Variants in PPP1R12B observed in about 807,000 individuals in gnomAD.
PPP1R12B encodes protein phosphatase 1 regulatory subunit 12B.
A neutral mutation model predicts 126.1 loss-of-function variants in PPP1R12B; 76 were observed. That is an observed-to-expected ratio of 0.60 (90% confidence interval 0.50 to 0.73). PPP1R12B has a LOEUF of 0.73. Among genes scored for constraint, PPP1R12B ranks in the 30% least tolerant of loss-of-function variants. PPP1R12B has a pLI of 0.00. For missense variants in PPP1R12B, 1,052 were observed against 1,205.1 expected (o/e 0.87, Z 1.88); for synonymous variants, 356 against 434.7 (o/e 0.82, Z 2.25).
intron 1 of PPP1R12B, among the ~76,000 whole-genome samples, chr1:202,414,793 T>C (rs1667847883): frequency 6.6e-6 from 1 of 152,192 alleles, no homozygotes; most frequent in African/African-American, 2.4e-5. Context: ...TTTTTATTTT[T>C]GTTTTTGTTT....
intron 23 of PPP1R12B, chr1:202,575,465 G>A: frequency 3.9e-6 from 1 of 253,310 alleles, no homozygotes; most frequent in South Asian, 9.3e-5. Context: ...ACACGTGTAT[G>A]TGCATATACC....
intron 2 of PPP1R12B, among the ~76,000 whole-genome samples, chr1:202,417,835 G>C (rs1668281673): frequency 6.6e-6 from 1 of 152,230 alleles, no homozygotes; most frequent in Non-Finnish European, 1.5e-5. Context: ...TGGCAGCTGT[G>C]TAGAGGCCTG....
Position 202,531,782 on chromosome 1 carries a change from C to T in PPP1R12B, c.2491-27095C>T, listed in dbSNP as rs1279453987. On this transcript the variant is annotated intron_variant, in intron 18 of 23. Coordinates refer to ENST00000608999, the MANE Select transcript of PPP1R12B (RefSeq NM_002481.4). ...AATTGATTTGAGGACGAGGCAGAGA[C>T]ATTTTTGAAAGACTAGGTAATTTCC... Among the ~76,000 whole-genome samples the T allele has an allele frequency of 2.8e-4, 43 of 152,094 alleles. 1 individual carries two copies. Among genetic ancestry groups the T allele is most frequent in the Non-Finnish European group, 4.4e-5 (3 of 68,014 alleles).
Position 202,588,319 on chromosome 1 carries a change from C to G in PPP1R12B, c.*7759C>G, listed in dbSNP as rs1689946846. The G allele has an allele frequency of 6.6e-6, 1 of 152,450 alleles. No individual in the cohort carries two copies. The highest frequency in any genetic ancestry group is 2.1e-4 in the South Asian group (1 of 4,822). The allele number at this position is 152,450 out of a possible 1,614,324, so 9.4% of individuals were successfully genotyped here. On this transcript the variant is annotated 3_prime_UTR_variant, in exon 24 of 24. Coordinates refer to ENST00000608999, the MANE Select transcript of PPP1R12B (RefSeq NM_002481.4). ...TAACTTCAGTCCACTGTAAATACAC[C>G]TGGGATGGGGTGGGGTTGGGGTTGT...
At chr1:202,449,847 C>T (rs369257780) in intron 13 of PPP1R12B, among the ~76,000 whole-genome samples, 64 of 151,334 alleles carry the variant, frequency 4.2e-4, no homozygotes, top group South Asian at 1.5e-3. Flanking sequence ...CCACCATGCC[C>T]GGCTAATCTT....
rs1314973796 is a variant in PPP1R12B at position 202,495,211 on chromosome 1, A to G, written c.2146-82A>G. 25 of 1,334,420 alleles carry G rather than the reference A, an allele frequency of 1.9e-5. No homozygotes were observed. In the Middle Eastern group the frequency reaches 9.5e-4, roughly 51 times the overall value. 82.7% of individuals were successfully genotyped at this position (1,334,420 alleles called of 1,614,324 possible). A position where few individuals can be genotyped will look rare whatever the true frequency, so the allele number is the denominator to read the frequency against. ...TACTCATAAGCCCCTTAATATAGAA[A>G]AAAACATTTTGTATAAACCTGCTGT... On this transcript the variant is annotated intron_variant, in intron 15 of 23. Transcript: ENST00000608999.
intron 1 of PPP1R12B, among the ~76,000 whole-genome samples, chr1:202,379,771 A>G (rs1661925452): frequency 6.6e-6 from 1 of 152,178 alleles, no homozygotes; most frequent in Non-Finnish European, 1.5e-5. Flanking sequence ...ACAATCCATC[A>G]TTGGCTTTCG....
intron 23 of PPP1R12B, among the ~76,000 whole-genome samples, chr1:202,574,094 C>T (rs1273298252): frequency 6.7e-6 from 1 of 149,440 alleles, no homozygotes; most frequent in Non-Finnish European, 1.5e-5. Flanking sequence ...GGTTAGAGGA[C>T]GATCCAGAGA....
intron 1 of PPP1R12B, among the ~76,000 whole-genome samples, chr1:202,399,819 G>A (rs1665560218): frequency 6.6e-6 from 1 of 152,022 alleles, no homozygotes; most frequent in Non-Finnish European, 1.5e-5. Context: ...CCTTGATGAT[G>A]GATTTAAAAG....
chr1:202,378,655 T>A (rs1437003145), intron 1 of PPP1R12B, among the ~76,000 whole-genome samples: 1 of 152,070 alleles, frequency 6.6e-6, no homozygotes, highest in Non-Finnish European at 1.5e-5. Flanking sequence ...AATTTTTGTA[T>A]TTTTAGTAGA....
intron 1 of PPP1R12B, among the ~76,000 whole-genome samples, chr1:202,366,958 G>A (rs1033347408): frequency 4.6e-5 from 7 of 152,188 alleles, no homozygotes; most frequent in Admixed American, 1.3e-4. Context: ...TGGTACTTAA[G>A]TGGTTCCATA....
intron 18 of PPP1R12B, among the ~76,000 whole-genome samples, chr1:202,525,950 C>T (rs1448443310): frequency 1.3e-5 from 2 of 152,224 alleles, no homozygotes; most frequent in Non-Finnish European, 1.5e-5. Flanking sequence ...CCGCCTTGGC[C>T]TCCCAGAGTG....
intron 18 of PPP1R12B, among the ~76,000 whole-genome samples, chr1:202,498,832 T>A (rs1679868681): frequency 6.6e-6 from 1 of 152,206 alleles, no homozygotes; most frequent in African/African-American, 2.4e-5. Context: ...TCAGCATGGA[T>A]ACAGTTGAGA....
intron 18 of PPP1R12B, chr1:202,503,055 G>A (rs114857085): frequency 6.6e-6 from 1 of 152,304 alleles, no homozygotes; most frequent in Non-Finnish European, 1.5e-5. Flanking sequence ...CTATTTTAGA[G>A]AATGTACTCT....
intron 18 of PPP1R12B, among the ~76,000 whole-genome samples, chr1:202,503,794 T>C (rs1249028268): frequency 6.6e-6 from 1 of 152,048 alleles, no homozygotes. Flanking sequence ...TTTTTTTTTT[T>C]TCAAGGGCTA....
At chr1:202,399,243 A>T (rs1665443870) in intron 1 of PPP1R12B, among the ~76,000 whole-genome samples, 1 of 152,128 alleles carries the variant, frequency 6.6e-6, no homozygotes, top group Non-Finnish European at 1.5e-5. Context: ...TTCTTTTGAC[A>T]GGGTCTCGCT....
intron 1 of PPP1R12B, among the ~76,000 whole-genome samples, chr1:202,375,921 A>G (rs1450284349): frequency 1.3e-5 from 2 of 152,138 alleles, no homozygotes; most frequent in African/African-American, 2.4e-5. Flanking sequence ...ATATATTCTT[A>G]TGGTCAATAC....
chr1:202,458,166 C>G lies in PPP1R12B; in HGVS notation c.1850+8995C>G, dbSNP rs901201970. The stretch of plus-strand genomic sequence containing the variant: ...CAAGACTGGTATTCCACTGGAGAAA[C>G]TTTGGAAATTGTCAAGCTAGAGAGG... On this transcript the variant is annotated intron_variant, in intron 13 of 23. Transcript: ENST00000608999. Among the ~76,000 whole-genome samples, 5 of 149,166 alleles carry G rather than the reference C, an allele frequency of 3.4e-5. No homozygotes were observed. In the East Asian group the frequency reaches 7.9e-4, roughly 24 times the overall value.
At chr1:202,472,495 A>G (rs1391534587) in intron 13 of PPP1R12B, among the ~76,000 whole-genome samples, 1 of 152,214 alleles carries the variant, frequency 6.6e-6, no homozygotes, top group South Asian at 2.1e-4. Context: ...TGAATCTGCC[A>G]TTCTTACCAT....
Sources: gnomAD v4.1 joint callset for allele counts (sites outside exome capture counted in the v4.1 genomes callset) on GRCh38, gnomAD v4.1.1 for gene constraint, MANE v1.5 for transcripts, NCBI Gene and HGNC (gene_info 2026-07-23, HGNC 2026-07-21) for gene names.